The following RMDN2 variants were observed in gnomAD, a reference collection of about 807,000 sequenced individuals.
RMDN2 encodes regulator of microtubule dynamics 2.
RMDN2 carries 61 observed loss-of-function variants against 52.8 expected under a neutral mutation model. The ratio of observed to expected loss-of-function variants is 1.16; its 90% confidence interval spans 0.94 to 1.43. RMDN2 has a LOEUF of 1.43. Ranked by LOEUF, RMDN2 falls within the 40% of genes most tolerant of loss-of-function variation. RMDN2 has a pLI of 0.00. For synonymous variants in RMDN2, 180 were observed against 153.1 expected (o/e 1.18, Z -1.30); for missense variants, 592 against 475.3 (o/e 1.25, Z -2.28).
At chr2:37,946,544 G>A (rs534078138) in intron 2 of RMDN2, among the ~76,000 whole-genome samples, 3 of 152,292 alleles carry the variant, frequency 2.0e-5, no homozygotes, top group Admixed American at 2.0e-4. Flanking sequence ...ACATTATCAT[G>A]AAGTATTTGC....
chr2:38,007,446 G>A (rs920882193), intron 10 of RMDN2, among the ~76,000 whole-genome samples: 2 of 152,212 alleles, frequency 1.3e-5, no homozygotes, highest in Non-Finnish European at 2.9e-5. Context: ...GGGTGTAAGT[G>A]TCGAGGAATT....
At position 37,958,008 on chromosome 2, in the gene RMDN2, C is replaced by A. The variant is rs535774840; in HGVS notation, c.453-16032C>A. Among the ~76,000 whole-genome samples, 11 of 152,244 alleles carry A rather than the reference C, an allele frequency of 7.2e-5. No individual in the cohort carries two copies. In the South Asian group the frequency reaches 2.1e-3, roughly 29 times the overall value. ...TGTTCTATTCCATTGGTCTATATATCTGTTTTGGTACCAGTACCATGCTGT... is the reference window on the plus strand; with the variant it reads ...TGTTCTATTCCATTGGTCTATATATATGTTTTGGTACCAGTACCATGCTGT... On this transcript the variant is annotated intron_variant, in intron 2 of 10. Transcript: ENST00000354545.
At chr2:37,953,665 C>T (rs1047772223) in intron 2 of RMDN2, among the ~76,000 whole-genome samples, 19 of 152,014 alleles carry the variant, frequency 1.2e-4, no homozygotes, top group Non-Finnish European at 1.5e-4. Context: ...GTGCATGCAA[C>T]TGTCTGTTCG....
At chr2:38,024,325 A>T (rs528842905) in intron 10 of RMDN2, among the ~76,000 whole-genome samples, 29 of 152,304 alleles carry the variant, frequency 1.9e-4, no homozygotes, top group African/African-American at 7.0e-4. Context: ...AGTATGGTAG[A>T]TGTATTTCTA....
At chr2:38,057,113 T>C (rs1681880622) in intron 10 of RMDN2, among the ~76,000 whole-genome samples, 1 of 152,230 alleles carries the variant, frequency 6.6e-6, no homozygotes, top group African/African-American at 2.4e-5. Flanking sequence ...TTGTCAACCA[T>C]AAAGTGCTTT....
At position 38,017,187 on chromosome 2, in the gene RMDN2, A is replaced by G; in HGVS notation, c.1181A>G (p.Asp394Gly). 6.6e-7 allele frequency: 1 copy of G among 1,521,048 alleles called. No homozygotes were observed. The highest frequency in any genetic ancestry group is 8.9e-7 in the Non-Finnish European group (1 of 1,127,832). 94.2% of individuals were successfully genotyped at this position (1,521,048 alleles called of 1,614,324 possible). The change falls in exon 11 of 11, where the codon GAT (aspartate) becomes GGT (glycine). Residue 394 changes from aspartate to glycine, a missense_variant and splice_region_variant. By Grantham distance (94) the Asp-to-Gly change is moderately conservative (BLOSUM62 -1). Coordinates refer to ENST00000354545, the MANE Select transcript of RMDN2 (RefSeq NM_001170791.3). ...TATGTATTTGTATTTTCTTTATAGG[A>G]TAAAGAGGCACAGAAAGAGATGCAA... ...ALLLPTVTKE[D>G]KEAQKEMQKI...
upstream of RMDN2, chr2:37,923,087 T>G (rs946163039): frequency 8.5e-5 from 13 of 152,236 alleles, no homozygotes; most frequent in African/African-American, 3.1e-4. Flanking sequence ...ATATTCCTTT[T>G]AGACTGACAT....
At chr2:38,011,564 C>A (rs566096883) in intron 10 of RMDN2, among the ~76,000 whole-genome samples, 1 of 152,138 alleles carries the variant, frequency 6.6e-6, no homozygotes, top group Non-Finnish European at 1.5e-5. Context: ...AAATAAGACA[C>A]ACCTGTTGCC....
intron 4 of RMDN2, among the ~76,000 whole-genome samples, chr2:37,975,671 G>T (rs1255240733): frequency 1.1e-4 from 17 of 152,004 alleles, no homozygotes; most frequent in Admixed American, 1.1e-3. Context: ...TGCATGTTTT[G>T]CACATGTATG....
chr2:37,941,255 C>A (rs542428968), intron 2 of RMDN2, among the ~76,000 whole-genome samples: 165 of 126,850 alleles, frequency 1.3e-3, no homozygotes, highest in Non-Finnish European at 2.2e-3. Flanking sequence ...CTGGCTGCTC[C>A]TTCCTCTGGA....
chr2:37,925,964 TATAAA>T lies in RMDN2; in HGVS notation c.-17+543_-17+547del, dbSNP rs939033098. Among the ~76,000 whole-genome samples, 3 of 152,274 alleles carry T rather than the reference TATAAA, an allele frequency of 2.0e-5. No homozygotes were observed. In the South Asian group the frequency reaches 6.2e-4, roughly 32 times the overall value. On this transcript the variant is annotated intron_variant, in intron 1 of 10. Coordinates refer to ENST00000354545, the MANE Select transcript of RMDN2 (RefSeq NM_001170791.3). ...TGGGAGCCCTAAATTTAAAATAAATTATAAAATACAAAAAAACCATGAAAACCTGA... is the reference window on the plus strand; with the variant it reads ...TGGGAGCCCTAAATTTAAAATAAATTATACAAAAAAACCATGAAAACCTGA...
At chr2:38,031,766 T>C (rs1266444039) in intron 10 of RMDN2, among the ~76,000 whole-genome samples, 1 of 152,150 alleles carries the variant, frequency 6.6e-6, no homozygotes, top group Non-Finnish European at 1.5e-5. Flanking sequence ...ACCTCCCTTC[T>C]CAGTTTCAAG....
intron 5 of RMDN2, among the ~76,000 whole-genome samples, chr2:37,988,690 T>G (rs1175208725): frequency 1.3e-5 from 2 of 152,192 alleles, no homozygotes; most frequent in African/African-American, 2.4e-5. Context: ...AAGTAAAAAT[T>G]AACACCTACT....
At chr2:38,020,772 C>T (rs79003799), downstream of RMDN2, among the ~76,000 whole-genome samples, 1 of 152,088 alleles carries the variant, frequency 6.6e-6, no homozygotes, top group Non-Finnish European at 1.5e-5. Flanking sequence ...GGACCTGCAG[C>T]CCCCCATGCC....
At chr2:37,948,572 A>G (rs774594888) in intron 2 of RMDN2, among the ~76,000 whole-genome samples, 1 of 152,084 alleles carries the variant, frequency 6.6e-6, no homozygotes, top group Non-Finnish European at 1.5e-5. Flanking sequence ...AGGGGTTACT[A>G]TTTGCTTTTG....
intron 2 of RMDN2, among the ~76,000 whole-genome samples, chr2:37,973,165 A>G (rs1672022802): frequency 6.6e-6 from 1 of 152,074 alleles, no homozygotes; most frequent in Non-Finnish European, 1.5e-5. Flanking sequence ...ATTCTCTTAT[A>G]TGTTATATAT....
intron 2 of RMDN2, among the ~76,000 whole-genome samples, chr2:37,932,829 C>A (rs545809164): frequency 1.3e-3 from 132 of 104,810 alleles, no homozygotes; most frequent in African/African-American, 1.5e-3. Context: ...ACCCCCCGAC[C>A]TCCCTCCCGG....
chr2:37,972,962 C>T (rs1269861727), intron 2 of RMDN2, among the ~76,000 whole-genome samples: 1 of 152,158 alleles, frequency 6.6e-6, no homozygotes, highest in African/African-American at 2.4e-5. Context: ...AATTTAAGAA[C>T]TTGCTTTGTT....
chr2:38,037,162 T>C (rs1680640269), intron 10 of RMDN2, among the ~76,000 whole-genome samples: 1 of 152,210 alleles, frequency 6.6e-6, no homozygotes, highest in Non-Finnish European at 1.5e-5. Flanking sequence ...CTCTCTAAGC[T>C]TCAGTTTCCT....
Sources: gnomAD v4.1 joint callset for allele counts (sites outside exome capture counted in the v4.1 genomes callset) on GRCh38, gnomAD v4.1.1 for gene constraint, MANE v1.5 for transcripts, NCBI Gene and HGNC (gene_info 2026-07-23, HGNC 2026-07-21) for gene names.